Variants in UTRN observed in about 807,000 individuals in gnomAD.
The protein encoded by UTRN is dystrophin-related protein 1.
In UTRN, 283 loss-of-function variants were observed where a neutral mutation model predicts 463.9. The ratio of observed to expected loss-of-function variants is 0.61; its 90% confidence interval spans 0.55 to 0.67. The LOEUF (loss-of-function observed/expected upper bound fraction) is 0.67, where lower values mean the gene tolerates loss of function less well. UTRN is among the 30% of genes least tolerant of loss of function. The pLI, the probability that UTRN is intolerant of heterozygous loss-of-function variation, is 0.00. For synonymous variants in UTRN, 1,442 were observed against 1,431.5 expected (o/e 1.01, Z -0.17); for missense variants, 3,922 against 4,084.3 (o/e 0.96, Z 1.08).
intron 51 of UTRN, among the ~76,000 whole-genome samples, chr6:144,598,876 G>A (rs563430366): frequency 2.0e-5 from 3 of 152,262 alleles, no homozygotes; most frequent in African/African-American, 7.2e-5. Context: ...CCCAGAGGAG[G>A]GATCCATTCA....
At chr6:144,614,032 A>G (rs1033331601) in intron 51 of UTRN, among the ~76,000 whole-genome samples, 2 of 152,050 alleles carry the variant, frequency 1.3e-5, no homozygotes, top group Admixed American at 1.3e-4. Flanking sequence ...TTCTCTCATT[A>G]TGAGTCAGAG....
At chr6:144,309,443 G>A (rs1806048425) in intron 2 of UTRN, among the ~76,000 whole-genome samples, 1 of 152,170 alleles carries the variant, frequency 6.6e-6, no homozygotes, top group South Asian at 2.1e-4. Flanking sequence ...AGTCTTGCTT[G>A]TCTCAGATAA....
intron 51 of UTRN, among the ~76,000 whole-genome samples, chr6:144,587,467 A>ATTTTT (rs1802577323): frequency 6.6e-6 from 1 of 152,154 alleles, no homozygotes; most frequent in East Asian, 1.9e-4. Flanking sequence ...GATAATGAAC[A>ATTTTT]TGAAGGCACA....
At position 144,447,697 on chromosome 6, in the gene UTRN, A is replaced by G. The variant is rs1301627954; in HGVS notation, c.1818A>G (p.Ala606=). Residue 606 remains alanine, a synonymous_variant, in exon 16 of 75, where the codon GCA becomes GCG. Transcript: ENST00000367545. ...DVGQLLDNSK[A]SKKINSDSEE... is the part of the protein sequence containing the mutation. ...GACAATTACTTGATAATTCCAAGGC[A>G]TCTAAGAAGATCAACAGTGACTCAG... is the stretch of plus-strand genomic sequence containing the variant. 6.2e-7 allele frequency: 1 copy of G among 1,613,998 alleles called. No individual in the cohort carries two copies. The highest frequency in any genetic ancestry group is 1.3e-5 in the African/African-American group (1 of 74,932).
At chr6:144,639,672 T>C (rs897287804) in intron 51 of UTRN, among the ~76,000 whole-genome samples, 3 of 150,034 alleles carry the variant, frequency 2.0e-5, no homozygotes, top group Non-Finnish European at 4.4e-5. Flanking sequence ...CACAGTCTTA[T>C]TGCTTCTTAC....
Position 144,622,184 on chromosome 6 carries a change from GTTTT to G in UTRN, c.7479+44914_7479+44917del, listed in dbSNP as rs1199579909. ...TAGATGGTATCCATTTTTTTTTGTT[GTTTT>G]TTTTTTTTTTTTTTTTTGGAGACGG... On this transcript the variant is annotated intron_variant, in intron 51 of 74. Coordinates refer to ENST00000367545, the MANE Select transcript of UTRN (RefSeq NM_007124.3). Among the ~76,000 whole-genome samples, 11 of 88,212 alleles carry G rather than the reference GTTTT, an allele frequency of 1.2e-4. No homozygotes were observed. The South Asian group carries it at 1.9e-3, about 15-fold the overall frequency. 57.9% of individuals were successfully genotyped at this position (88,212 alleles called of 152,430 possible).
intron 34 of UTRN, among the ~76,000 whole-genome samples, chr6:144,500,232 A>G (rs1206347539): frequency 6.6e-6 from 1 of 152,200 alleles, no homozygotes; most frequent in Non-Finnish European, 1.5e-5. Context: ...ATTCCCACCA[A>G]CAGTATAAAA....
chr6:144,751,284 C>T (rs1791364991), intron 55 of UTRN, among the ~76,000 whole-genome samples: 1 of 152,098 alleles, frequency 6.6e-6, no homozygotes, highest in Non-Finnish European at 1.5e-5. Flanking sequence ...CCAGAGTAAA[C>T]TGCATATAAT....
chr6:144,714,122 TAGG>T (rs1195655037), intron 53 of UTRN, among the ~76,000 whole-genome samples: 2 of 152,168 alleles, frequency 1.3e-5, no homozygotes, highest in African/African-American at 2.4e-5. Context: ...AGGCACTATG[TAGG>T]AGATTTTTTT....
At chr6:144,390,587 C>CA (rs1307177372) in intron 2 of UTRN, among the ~76,000 whole-genome samples, 1 of 152,162 alleles carries the variant, frequency 6.6e-6, no homozygotes, top group African/African-American at 2.4e-5. Flanking sequence ...ACCACCCAGC[C>CA]AAAGGAACCT....
At chr6:144,514,920 T>G in intron 37 of UTRN, 100 bp downstream of exon 37, 1 of 1,267,732 alleles carries the variant, frequency 7.9e-7, no homozygotes, top group East Asian at 2.6e-5. Flanking sequence ...TTTATTATTT[T>G]AATTTTATTG....
intron 25 of UTRN, among the ~76,000 whole-genome samples, chr6:144,479,179 TG>T (rs1791585392): frequency 6.9e-6 from 1 of 144,128 alleles, no homozygotes; most frequent in African/African-American, 2.6e-5. Flanking sequence ...AGTGCAGTGG[TG>T]CGATCTCGGC....
chr6:144,794,950 C>T (rs921903904), intron 63 of UTRN, among the ~76,000 whole-genome samples: 1 of 152,090 alleles, frequency 6.6e-6, no homozygotes, highest in Non-Finnish European at 1.5e-5. Context: ...TATACATGTG[C>T]CATGGTGGTT....
chr6:144,768,964 T>TTTTTTTTTTTTTTTTTTTTTTG (rs1562884837), intron 58 of UTRN, among the ~76,000 whole-genome samples: 1 of 148,136 alleles, frequency 6.8e-6, no homozygotes, highest in African/African-American at 2.6e-5. Flanking sequence ...TTTTGTTTTT[T>TTTTTTTTTTTTTTTTTTTTTTG]TTTTTTTAAT....
chr6:144,574,236 C>T (rs554419869), intron 50 of UTRN, among the ~76,000 whole-genome samples: 29 of 152,074 alleles, frequency 1.9e-4, no homozygotes, highest in South Asian at 8.3e-4. Flanking sequence ...AAATTCCAGG[C>T]GAGGAAATTT....
intron 2 of UTRN, among the ~76,000 whole-genome samples, chr6:144,366,711 C>T (rs1779537701): frequency 6.6e-6 from 1 of 152,164 alleles, no homozygotes; most frequent in South Asian, 2.1e-4. Flanking sequence ...AGTGAACATA[C>T]ACATGCATGT....
chr6:144,731,344 T>C lies in UTRN; in HGVS notation c.7939+858T>C, dbSNP rs189363696. 1.4e-4 allele frequency among the ~76,000 whole-genome samples: 21 copies of C among 152,302 alleles called. 1 individual carries two copies. In the East Asian group the frequency reaches 4.0e-3, roughly 29 times the overall value. Reference sequence around the variant, plus strand: ...GTCCAATATATATCTGTATTGTGATTTTTCACTGCTGACAATAAAATCATT... The same window carrying C: ...GTCCAATATATATCTGTATTGTGATCTTTCACTGCTGACAATAAAATCATT... On this transcript the variant is annotated intron_variant, in intron 54 of 74. Coordinates refer to ENST00000367545, the MANE Select transcript of UTRN (RefSeq NM_007124.3).
At chr6:144,836,181 A>G in intron 70 of UTRN, 120 bp from the exon 71 acceptor site, 2 of 1,445,138 alleles carry the variant, frequency 1.4e-6, no homozygotes, top group Admixed American at 2.1e-5. Context: ...TCATCCTGCT[A>G]TTAATACACA....
intron 50 of UTRN, among the ~76,000 whole-genome samples, chr6:144,569,317 T>A (rs1800719862): frequency 6.6e-6 from 1 of 152,094 alleles, no homozygotes; most frequent in Non-Finnish European, 1.5e-5. Flanking sequence ...GGTTTGACTT[T>A]TAGTATAGTC....
Sources: allele counts gnomAD v4.1 joint callset (sites outside exome capture counted in the v4.1 genomes callset), GRCh38; gene constraint gnomAD v4.1.1; transcripts MANE v1.5; gene names NCBI Gene and HGNC (gene_info 2026-07-23, HGNC 2026-07-21).